Variants in H2AZ2 observed in about 807,000 individuals in gnomAD.
H2AZ2 encodes the protein H2A.Z variant histone 2.
A neutral mutation model predicts 15.5 loss-of-function variants in H2AZ2; 5 were observed. That is an observed-to-expected ratio of 0.32 (90% CI 0.17 to 0.68). The LOEUF (loss-of-function observed/expected upper bound fraction) is 0.68. H2AZ2 is among the 30% of genes least tolerant of loss of function. H2AZ2 has a pLI of 0.72. For missense variants in H2AZ2, 42 were observed against 162.5 expected, an observed-to-expected ratio of 0.26 and a Z score of 4.03; for synonymous variants, 44 against 57.4, an observed-to-expected ratio of 0.77 and a Z score of 1.05.
chr7:44,844,998 T>C (rs1793362687), intron 1 of H2AZ2, among the ~76,000 whole-genome samples: 1 of 152,198 alleles, frequency 6.6e-6, no homozygotes, highest in Non-Finnish European at 1.5e-5. Flanking sequence ...ATTATTTCTT[T>C]ACTGTTAAAA....
At chr7:44,837,062 T>C (rs1349429847) in intron 3 of H2AZ2, among the ~76,000 whole-genome samples, 3 of 151,638 alleles carry the variant, frequency 2.0e-5, no homozygotes, top group Non-Finnish European at 2.9e-5. Flanking sequence ...GGTTTCACCA[T>C]ATTGGCCAGG....
intron 1 of H2AZ2, among the ~76,000 whole-genome samples, chr7:44,846,070 G>C (rs139247721): frequency 9.6e-4 from 107 of 111,746 alleles, no homozygotes; most frequent in South Asian, 1.7e-3. Flanking sequence ...CACAGAGAGA[G>C]ACAGAGAGAG....
chr7:44,830,263 A>T, downstream of H2AZ2: 1 of 1,150,716 alleles, frequency 8.7e-7, no homozygotes, highest in Non-Finnish European at 1.3e-6. Context: ...ATACAAGTAA[A>T]ATGTTAACTA....
intron 3 of H2AZ2, 116 bp from the exon 4 acceptor site, chr7:44,835,774 T>G: frequency 1.1e-6 from 1 of 902,632 alleles, no homozygotes; most frequent in Non-Finnish European, 1.6e-6. Flanking sequence ...ATAATATATT[T>G]TTCTTTCTTG....
chr7:44,842,867 G>A lies in H2AZ2; in HGVS notation c.81+410C>T, dbSNP rs766771912. 3.9e-5 allele frequency among the ~76,000 whole-genome samples: 6 copies of A among 152,142 alleles called. No individual in the cohort carries two copies. The South Asian group carries it at 6.2e-4, about 16-fold the overall frequency. Reference sequence around the variant, plus strand: ...GATTAAAAGGGTTTCTCAGCCAGGCGCGGTGGCTCATGCCTGTAATTCCAG... The same window carrying A: ...GATTAAAAGGGTTTCTCAGCCAGGCACGGTGGCTCATGCCTGTAATTCCAG... On this transcript the variant is annotated intron_variant, in intron 2 of 4. Transcript: ENST00000308153.
intron 1 of H2AZ2, 81 bp from the exon 2 acceptor site, chr7:44,843,435 T>A: frequency 1.1e-6 from 1 of 950,520 alleles, no homozygotes; most frequent in Non-Finnish European, 1.6e-6. Flanking sequence ...GAATTTTTTC[T>A]AGTTTTACTT....
chr7:44,827,678 T>C (rs1362770150), downstream of H2AZ2: 1 of 152,222 alleles, frequency 6.6e-6, no homozygotes, highest in Non-Finnish European at 1.5e-5. Context: ...TGGTAAAAAT[T>C]TGACTCTCCA....
intron 4 of H2AZ2, chr7:44,835,165 T>C: frequency 4.0e-6 from 1 of 252,344 alleles, no homozygotes; most frequent in Non-Finnish European, 7.5e-6. Context: ...CTTTCATTGA[T>C]CCTGACCCAC....
rs1793027008 is a variant in H2AZ2 at position 44,832,964 on chromosome 7, A to C, written c.*1537T>G. Among the ~76,000 whole-genome samples the C allele has an allele frequency of 6.6e-6, 1 of 152,196 alleles. No individual in the cohort carries two copies. Among genetic ancestry groups the C allele is most frequent in the Non-Finnish European group, 1.5e-5 (1 of 68,038 alleles). On this transcript the variant is annotated 3_prime_UTR_variant, in exon 5 of 5. Transcript: ENST00000308153. Reference sequence around the variant, plus strand: ...GAGCCTGTCTCAAAACAAACAAAAAAGTTTCTTAGAAACTGATAAATAAAT... The same window carrying C: ...GAGCCTGTCTCAAAACAAACAAAAACGTTTCTTAGAAACTGATAAATAAAT...
At chr7:44,837,186 A>C (rs1793146057) in intron 3 of H2AZ2, among the ~76,000 whole-genome samples, 1 of 151,820 alleles carries the variant, frequency 6.6e-6, no homozygotes, top group South Asian at 2.1e-4. Context: ...ACAGACGTGA[A>C]CCACTACGCC....
chr7:44,834,668 C>A, intron 4 of H2AZ2, 106 bp from the exon 5 acceptor site: 1 of 1,046,372 alleles, frequency 9.6e-7, no homozygotes, highest in Admixed American at 2.2e-5. Context: ...TTTTCATATT[C>A]TGATACTGTT....
At chr7:44,839,555 G>C (rs1793220581) in intron 3 of H2AZ2, among the ~76,000 whole-genome samples, 1 of 151,852 alleles carries the variant, frequency 6.6e-6, no homozygotes, top group South Asian at 2.1e-4. Context: ...GGTGGCGGGT[G>C]CCTGTAGTCC....
At chr7:44,842,152 T>C (rs531500115) in intron 2 of H2AZ2, among the ~76,000 whole-genome samples, 1 of 152,350 alleles carries the variant, frequency 6.6e-6, no homozygotes, top group East Asian at 1.9e-4. Flanking sequence ...GTAACCAGTA[T>C]GTTGTCTGGC....
chr7:44,839,522 A>C (rs1793219241), intron 3 of H2AZ2, among the ~76,000 whole-genome samples: 1 of 147,830 alleles, frequency 6.8e-6, no homozygotes, highest in Non-Finnish European at 1.5e-5. Context: ...TAAAAATACA[A>C]AAAAAAAAAA....
Position 44,833,751 on chromosome 7 carries a change from C to A in H2AZ2, c.*750G>T. The A allele has an allele frequency of 1.1e-6, 1 of 928,508 alleles. No individual in the cohort carries two copies. The allele number at this position is 928,508 out of a possible 1,614,324, so 57.5% of individuals were successfully genotyped here. ...GAGTCAGCCAGATCTAGGTTTGAATCCTAGCTCTGTCATTTTCTATCTACC... is the reference window on the plus strand; with the variant it reads ...GAGTCAGCCAGATCTAGGTTTGAATACTAGCTCTGTCATTTTCTATCTACC... On this transcript the variant is annotated 3_prime_UTR_variant, in exon 5 of 5. Coordinates refer to ENST00000308153, the MANE Select transcript of H2AZ2 (RefSeq NM_012412.5).
intron 1 of H2AZ2, among the ~76,000 whole-genome samples, chr7:44,846,062 C>CAGAGAGAGAG (rs1554336348): frequency 1.2e-4 from 9 of 75,148 alleles, no homozygotes; most frequent in South Asian, 1.1e-3. Context: ...CACACACACA[C>CAGAGAGAGAG]AGAGAGAGAC....
chr7:44,827,795 G>C (rs925514104), downstream of H2AZ2: 6 of 152,134 alleles, frequency 3.9e-5, no homozygotes, highest in African/African-American at 1.4e-4. Flanking sequence ...GTTCCTGAAA[G>C]GAGGGCCTGT....
At chr7:44,840,729 C>T (rs1321361505) in intron 3 of H2AZ2, among the ~76,000 whole-genome samples, 170 bp downstream of exon 3, 1 of 152,218 alleles carries the variant, frequency 6.6e-6, no homozygotes, top group Non-Finnish European at 1.5e-5. Flanking sequence ...CGAGACTGGC[C>T]ATTGCACTCC....
intron 4 of H2AZ2, 36 bp from the exon 5 acceptor site, chr7:44,834,598 T>A: frequency 6.4e-7 from 1 of 1,552,600 alleles, no homozygotes; most frequent in Non-Finnish European, 8.8e-7. Flanking sequence ...TAAAAACTTT[T>A]AAAGTTTTTG....
Sources: gnomAD v4.1 joint callset for allele counts (sites outside exome capture counted in the v4.1 genomes callset) on GRCh38, gnomAD v4.1.1 for gene constraint, MANE v1.5 for transcripts, NCBI Gene and HGNC (gene_info 2026-07-23, HGNC 2026-07-21) for gene names.